Variants in SLC44A5 observed in about 807,000 individuals in gnomAD.
SLC44A5 encodes choline transporter-like protein 5.
Under a neutral mutation model 101.8 loss-of-function variants are expected in SLC44A5, and 57 were observed. That is an observed-to-expected ratio of 0.56 (90% CI 0.45 to 0.70). The LOEUF is 0.70. Among genes scored for constraint, SLC44A5 ranks in the 30% least tolerant of loss-of-function variants. The pLI is 0.00. For synonymous variants in SLC44A5, 281 were observed against 290.9 expected (o/e 0.97, Z 0.35); for missense variants, 737 against 853.1 (o/e 0.86, Z 1.70).
chr1:75,411,571 G>A (rs1663281881), intron 2 of SLC44A5, among the ~76,000 whole-genome samples: 1 of 151,954 alleles, frequency 6.6e-6, no homozygotes, highest in Non-Finnish European at 1.5e-5. Flanking sequence ...CCACAAAAGG[G>A]GAAATAGAGG....
At chr1:75,642,394 C>T in the SLC44A5 span, among the ~76,000 whole-genome samples, 3 of 152,174 alleles carry the variant, frequency 2.0e-5, no homozygotes, top group South Asian at 4.1e-4. Flanking sequence ...ATGGTCATCA[C>T]GTGAGCAGCT....
intron 2 of SLC44A5, among the ~76,000 whole-genome samples, chr1:75,536,370 C>T (rs1197465673): frequency 2.6e-5 from 4 of 151,782 alleles, no homozygotes; most frequent in African/African-American, 9.7e-5. Context: ...GAGGCCGAGG[C>T]GGGTGGATCA....
At chr1:75,701,114 T>A in the SLC44A5 span, among the ~76,000 whole-genome samples, 1 of 152,062 alleles carries the variant, frequency 6.6e-6, no homozygotes, top group Admixed American at 6.6e-5. Flanking sequence ...CTGAAACTAT[T>A]CCAATCAACA....
chr1:75,380,648 G>A (rs148636072), intron 3 of SLC44A5, among the ~76,000 whole-genome samples: 1,845 of 82,100 alleles, frequency 0.022, 782 homozygotes, highest in African/African-American at 0.14. Flanking sequence ...GTGATAACGT[G>A]GGGGAGAGGT....
chr1:75,259,144 G>A (rs749422603), intron 6 of SLC44A5, among the ~76,000 whole-genome samples: 5 of 152,168 alleles, frequency 3.3e-5, no homozygotes, highest in Non-Finnish European at 4.4e-5. Context: ...ACAACTCCTC[G>A]CCAGCAAGGC....
At chr1:75,671,734 C>G in the SLC44A5 span, among the ~76,000 whole-genome samples, 13,529 of 152,120 alleles carry the variant, frequency 0.089, 821 homozygotes, top group Non-Finnish European at 0.13. Flanking sequence ...TTAGAAAGGG[C>G]GAAGCTCTCA....
chr1:75,491,575 G>A (rs1668427152), intron 2 of SLC44A5, among the ~76,000 whole-genome samples: 1 of 152,086 alleles, frequency 6.6e-6, no homozygotes, highest in African/African-American at 2.4e-5. Context: ...AAATGAATGA[G>A]TGCACTTTTG....
chr1:75,712,722 G>GGAAAAAA, the SLC44A5 span, among the ~76,000 whole-genome samples: 1 of 85,620 alleles, frequency 1.2e-5, no homozygotes, highest in Non-Finnish European at 2.6e-5. Flanking sequence ...AAATGGAAAA[G>GGAAAAAA]AAAAAAAAAA....
At chr1:75,349,348 CA>C (rs1044080969) in intron 3 of SLC44A5, among the ~76,000 whole-genome samples, 8 of 149,916 alleles carry the variant, frequency 5.3e-5, no homozygotes, top group Middle Eastern at 3.4e-3. Flanking sequence ...CAAAAACAAA[CA>C]AAAAAAAAGT....
At chr1:75,427,105 G>C (rs187137438) in intron 2 of SLC44A5, among the ~76,000 whole-genome samples, 3 of 152,284 alleles carry the variant, frequency 2.0e-5, no homozygotes, top group Admixed American at 2.0e-4. Context: ...GTCAGATCCT[G>C]CTGCTTGTCC....
intron 6 of SLC44A5, among the ~76,000 whole-genome samples, chr1:75,258,033 G>A (rs989865972): frequency 2.0e-5 from 3 of 152,012 alleles, no homozygotes; most frequent in Non-Finnish European, 4.4e-5. Context: ...CTTTTCCCAC[G>A]GTCTTCGCAA....
chr1:75,372,196 C>CA (rs770556856), intron 3 of SLC44A5, among the ~76,000 whole-genome samples: 13,929 of 81,220 alleles, frequency 0.17, 1,180 homozygotes, highest in African/African-American at 0.22. Context: ...GACTCTGTCT[C>CA]AAAAAAAAAA....
chr1:75,514,790 C>T (rs1345005817), intron 2 of SLC44A5, among the ~76,000 whole-genome samples: 1 of 152,090 alleles, frequency 6.6e-6, no homozygotes, highest in Admixed American at 6.5e-5. Flanking sequence ...ATTTCCAGTA[C>T]AATTTTGGGG....
At chr1:75,301,559 A>T (rs1473729839) in intron 4 of SLC44A5, among the ~76,000 whole-genome samples, 2 of 152,228 alleles carry the variant, frequency 1.3e-5, no homozygotes, top group Non-Finnish European at 2.9e-5. Flanking sequence ...AGTAAAAGTT[A>T]TTGATCTTGA....
Position 75,344,539 on chromosome 1 carries a change from T to C in SLC44A5, c.53-4909A>G, listed in dbSNP as rs1020158129. ...GGTGAGCCCAATGTGATCACAAGGG[T>C]ACTTCTATAGGGAAAAGGGAGGCAG... On this transcript the variant is annotated intron_variant, in intron 3 of 23. Transcript: ENST00000370859. 4.6e-5 allele frequency among the ~76,000 whole-genome samples: 7 copies of C among 152,178 alleles called. No homozygotes were observed. The South Asian group carries it at 8.3e-4, about 18-fold the overall frequency.
chr1:75,684,755 T>C, the SLC44A5 span, among the ~76,000 whole-genome samples: 19 of 152,276 alleles, frequency 1.2e-4, no homozygotes, highest in East Asian at 3.3e-3. Context: ...TTTCACAGGC[T>C]GGTGTTGAGT....
chr1:75,626,457 G>C, the SLC44A5 span, among the ~76,000 whole-genome samples: 37 of 152,100 alleles, frequency 2.4e-4, no homozygotes, highest in Non-Finnish European at 4.3e-4. Context: ...GCCTACACAG[G>C]AATGATCTGA....
intron 1 of SLC44A5, among the ~76,000 whole-genome samples, chr1:75,555,801 A>G (rs1318827354): frequency 6.6e-6 from 1 of 152,226 alleles, no homozygotes; most frequent in East Asian, 1.9e-4. Flanking sequence ...TCATGTAATA[A>G]AATATTAAAA....
At chr1:75,455,545 C>T (rs1173219072) in intron 2 of SLC44A5, among the ~76,000 whole-genome samples, 1 of 152,056 alleles carries the variant, frequency 6.6e-6, no homozygotes, top group Non-Finnish European at 1.5e-5. Context: ...CACTTCTTCA[C>T]ACCAAAAGAT....
Sources: allele counts gnomAD v4.1 joint callset (sites outside exome capture counted in the v4.1 genomes callset), GRCh38; gene constraint gnomAD v4.1.1; transcripts MANE v1.5; gene names NCBI Gene and HGNC (gene_info 2026-07-23, HGNC 2026-07-21).